The following DIP2C variants were observed in gnomAD, a reference collection of about 807,000 sequenced individuals.
DIP2C encodes disco-interacting protein 2 homolog C.
A neutral mutation model predicts 192.4 loss-of-function variants in DIP2C; 33 were observed. The observed-to-expected ratio is 0.17, with a 90% CI of 0.13 to 0.23. The LOEUF (loss-of-function observed/expected upper bound fraction) is 0.23. Ranked by LOEUF, DIP2C falls within the 10% of genes least tolerant of loss-of-function variation. The pLI, the probability that DIP2C is intolerant of heterozygous loss-of-function variation, is 1.00. For missense variants in DIP2C, 1,537 were observed against 2,110.1 expected, an observed-to-expected ratio of 0.73 and a Z score of 5.32; for synonymous variants, 979 against 864.1, an observed-to-expected ratio of 1.13 and a Z score of -2.33.
In DIP2C at chr10:349,431, G is replaced by A; in HGVS notation, c.3009C>T (p.Thr1003=). ...CAGCTCTCTTGTGCAGCTGCACGCA[G>A]GTCAGCGAGTTCGCTATCGCACCCT... The part of the protein sequence containing the change: ...NCRGAIANSL[T]CVQLHKRAEK... Residue 1003 remains threonine, a synonymous_variant, in exon 25 of 37, where the codon ACC becomes ACT. Coordinates refer to ENST00000280886, the MANE Select transcript of DIP2C (RefSeq NM_014974.3). 2.5e-6 allele frequency: 4 copies of A among 1,609,102 alleles called. 1 individual carries two copies. In the Admixed American group the frequency reaches 5.0e-5, roughly 20 times the overall value.
chr10:590,623 TCTTTA>T (rs1167535731), intron 1 of DIP2C, among the ~76,000 whole-genome samples: 1 of 152,206 alleles, frequency 6.6e-6, no homozygotes, highest in African/African-American at 2.4e-5. Context: ...TTTACTACAA[TCTTTA>T]AACAGAGCCA....
rs569270257 is a variant in DIP2C, at chr10:380,399, G to A, written c.1991+2248C>T. 1.3e-3 allele frequency among the ~76,000 whole-genome samples: 197 copies of A among 151,128 alleles called. 4 individuals carry two copies. Among genetic ancestry groups the A allele is most frequent in the Non-Finnish European group, 2.3e-3 (157 of 67,802 alleles). ...GCTGTCCCTGGATGATGGTTAATGC[G>A]CAGAAGAGGCTGTCCCTGGATGATG... On this transcript the variant is annotated intron_variant, in intron 17 of 36. Coordinates refer to ENST00000280886, the MANE Select transcript of DIP2C (RefSeq NM_014974.3).
intron 1 of DIP2C, among the ~76,000 whole-genome samples, chr10:654,883 C>T (rs1205064229): frequency 2.0e-5 from 3 of 152,168 alleles, no homozygotes; most frequent in Non-Finnish European, 2.9e-5. Flanking sequence ...CTCTACGATA[C>T]AATATTATAC....
intron 4 of DIP2C, among the ~76,000 whole-genome samples, chr10:424,220 A>C (rs973970479): frequency 6.6e-6 from 1 of 152,172 alleles, no homozygotes; most frequent in Non-Finnish European, 1.5e-5. Context: ...TTGTTTTTTA[A>C]AAGATAATAA....
chr10:299,144 A>G (rs554516841), intron 32 of DIP2C, among the ~76,000 whole-genome samples: 12 of 152,212 alleles, frequency 7.9e-5, no homozygotes, highest in Non-Finnish European at 1.8e-4. Flanking sequence ...CATCTTACAC[A>G]ATGTGCACAC....
Position 390,044 on chromosome 10 carries a change from G to C in DIP2C, c.1544C>G (p.Thr515Ser). 6.2e-7 allele frequency: 1 copy of C among 1,614,166 alleles called. No homozygotes were observed. Among genetic ancestry groups the C allele is most frequent in the Non-Finnish European group, 8.5e-7 (1 of 1,180,018 alleles). Reference protein sequence around the residue: ...GSVLGVTVTRTALLTHCQALT... With the variant: ...GSVLGVTVTRSALLTHCQALT... ...GGCCTGGCAGTGTGTCAGCAGCGCA[G>C]TCCTCGTCACCGTCACACCCAGCAC... is the stretch of plus-strand genomic sequence containing the variant. Residue 515 changes from threonine (T) to serine (S), a missense_variant, in exon 13 of 37, where the codon ACT becomes AGT. Physicochemically the swap from Thr to Ser is moderately conservative, Grantham distance 58. Around this residue, in one of 4 missense-constraint regions of DIP2C, gnomAD observed 677 missense variants for 989.9 expected, o/e 0.68. Transcript: ENST00000280886.
chr10:639,191 G>A lies in DIP2C; in HGVS notation c.85+50303C>T, dbSNP rs189106692. On this transcript the variant is annotated intron_variant, in intron 1 of 36. Transcript: ENST00000280886. The stretch of plus-strand genomic sequence containing the variant: ...CGGCTCCCGGTCCACACATGTGGAC[G>A]CGTCAGGCCATCAGGGTGCTGCCCG... 9.2e-5 allele frequency among the ~76,000 whole-genome samples: 13 copies of A among 141,260 alleles called. No individual in the cohort carries two copies. In the East Asian group the frequency reaches 2.2e-3, roughly 24 times the overall value. 92.7% of individuals were successfully genotyped at this position (141,260 alleles called of 152,430 possible). A position where few individuals can be genotyped will look rare whatever the true frequency, so the allele number is the denominator to read the frequency against.
At chr10:360,984 A>G (rs565931513) in intron 22 of DIP2C, among the ~76,000 whole-genome samples, 1 of 152,064 alleles carries the variant, frequency 6.6e-6, no homozygotes, top group Non-Finnish European at 1.5e-5. Flanking sequence ...ATCCAGCCCA[A>G]TTCCCTTCTC....
rs12247477 is a variant in DIP2C at position 674,789 on chromosome 10, T to G, written c.85+14705A>C. 5.0e-3 allele frequency among the ~76,000 whole-genome samples: 312 copies of G among 62,474 alleles called. 1 individual carries two copies. Among genetic ancestry groups the G allele is most frequent in the African/African-American group, 0.018 (202 of 11,050 alleles). The allele number at this position is 62,474 out of a possible 152,430, so 41.0% of individuals were successfully genotyped here. On this transcript the variant is annotated intron_variant, in intron 1 of 36. Coordinates refer to ENST00000280886, the MANE Select transcript of DIP2C (RefSeq NM_014974.3). ...CATCTCAAATATATATATATATATA[T>G]AGAGAGAGAGAGAGAGAGAGAGAGA...
At chr10:503,680 G>A (rs767921784) in intron 1 of DIP2C, among the ~76,000 whole-genome samples, 11 of 152,246 alleles carry the variant, frequency 7.2e-5, no homozygotes, top group East Asian at 1.9e-4. Context: ...ATATTCCTTC[G>A]GCTCTTACCC....
At chr10:399,424 T>C (rs1348110786) in intron 9 of DIP2C, among the ~76,000 whole-genome samples, 4 of 152,256 alleles carry the variant, frequency 2.6e-5, no homozygotes, top group African/African-American at 7.2e-5. Context: ...CAGTCGTCTA[T>C]GATACTGTCA....
intron 1 of DIP2C, among the ~76,000 whole-genome samples, chr10:604,026 C>CA (rs1301462532): frequency 6.7e-6 from 1 of 149,018 alleles, no homozygotes; most frequent in Non-Finnish European, 1.5e-5. Flanking sequence ...CCCCACCCCC[C>CA]AGCCCTGCCC....
intron 9 of DIP2C, among the ~76,000 whole-genome samples, chr10:406,237 T>A (rs899675603): frequency 2.0e-5 from 3 of 152,236 alleles, no homozygotes; most frequent in Non-Finnish European, 4.4e-5. Flanking sequence ...CATTATGTGG[T>A]AACACAAAAT....
At chr10:663,066 G>C (rs1856861657) in intron 1 of DIP2C, 1 of 620,654 alleles carries the variant, frequency 1.6e-6, no homozygotes, top group South Asian at 2.0e-5. Flanking sequence ...TGGTGACCGT[G>C]ACCCAGTGAT....
intron 1 of DIP2C, among the ~76,000 whole-genome samples, chr10:624,313 C>T (rs1588627591): frequency 6.6e-6 from 1 of 152,358 alleles, no homozygotes; most frequent in Non-Finnish European, 1.5e-5. Flanking sequence ...TCGGTGGCTG[C>T]AGATGGGGCC....
chr10:472,301 C>A, intron 3 of DIP2C, 138 bp downstream of exon 3: 1 of 656,528 alleles, frequency 1.5e-6, no homozygotes, highest in East Asian at 2.8e-5. Context: ...AGGGTGTGTC[C>A]GTGCAGAAAG....
intron 1 of DIP2C, among the ~76,000 whole-genome samples, chr10:635,582 G>A (rs1854780576): frequency 6.6e-6 from 1 of 152,256 alleles, no homozygotes; most frequent in Admixed American, 6.5e-5. Flanking sequence ...GCCGCGCAGT[G>A]TGGGCTGCAG....
At chr10:391,777 C>T (rs1963474438) in intron 10 of DIP2C, among the ~76,000 whole-genome samples, 1 of 152,238 alleles carries the variant, frequency 6.6e-6, no homozygotes, top group Admixed American at 6.5e-5. Context: ...CCCTACAAGG[C>T]CTGGTTGCTG....
intron 1 of DIP2C, among the ~76,000 whole-genome samples, chr10:510,108 T>C (rs1444298862): frequency 1.3e-5 from 2 of 152,234 alleles, no homozygotes; most frequent in East Asian, 3.8e-4. Context: ...AGCAATCGCC[T>C]TCCTGGGGGA....
Sources: gnomAD v4.1 joint callset for allele counts (sites outside exome capture counted in the v4.1 genomes callset) on GRCh38, gnomAD v4.1.1 for gene constraint, gnomAD v4.1.1 regional missense constraint, MANE v1.5 for transcripts, NCBI Gene and HGNC (gene_info 2026-07-23, HGNC 2026-07-21) for gene names.